Variants in HSPD1 observed in about 807,000 individuals in gnomAD.
The protein encoded by HSPD1 is 60 kDa heat shock protein, mitochondrial.
Under a neutral mutation model 53.0 loss-of-function variants are expected in HSPD1, and 3 were observed. That is an observed-to-expected ratio of 0.06 (90% confidence interval 0.03 to 0.15). HSPD1 has a LOEUF of 0.15. Among genes scored for constraint, HSPD1 ranks in the 10% least tolerant of loss-of-function variants. HSPD1 has a pLI of 1.00. For synonymous variants in HSPD1, 200 were observed against 228.0 expected (o/e 0.88, Z 1.10); for missense variants, 431 against 694.1 (o/e 0.62, Z 4.26).
intron 1 of HSPD1, chr2:197,499,080 C>A (rs985010854): frequency 1.7e-6 from 1 of 591,602 alleles, no homozygotes. Context: ...CAGCACAAAG[C>A]ACATGCGGCT....
intron 3 of HSPD1, among the ~76,000 whole-genome samples, chr2:197,496,470 C>T (rs911286390): frequency 1.3e-5 from 2 of 152,162 alleles, no homozygotes; most frequent in Non-Finnish European, 2.9e-5. Context: ...CCTTCACTTA[C>T]AAGAGGGTTC....
rs75268808 is a variant in HSPD1, at chr2:197,493,051, T to A, written c.869+273A>T. Among the ~76,000 whole-genome samples the A allele has an allele frequency of 7.6e-3, 1,140 of 150,786 alleles. 8 individuals carry two copies. Among genetic ancestry groups the A allele is most frequent in the Non-Finnish European group, 0.011 (762 of 67,774 alleles). ...TTCAGTCATGTGCCTTCAAAACAAC[T>A]GTAAACACTTGCAAAATACAGAAAG... is the stretch of plus-strand genomic sequence containing the variant. On this transcript the variant is annotated intron_variant, in intron 7 of 11. Transcript: ENST00000388968.
In HSPD1 at chr2:197,495,280, T is replaced by C. The variant is rs753371736; in HGVS notation, c.510+14A>G. On this transcript the variant is annotated intron_variant, in intron 4 of 11. Coordinates refer to ENST00000388968, the MANE Select transcript of HSPD1 (RefSeq NM_002156.5). The stretch of plus-strand genomic sequence containing the variant: ...AATTTTTTTTAAAAAACGTGTAACA[T>C]GTTAAGTCCTTACCTGTGCAATTTC... The C allele has an allele frequency of 3.9e-6, 6 of 1,531,716 alleles. No homozygotes were observed. Among genetic ancestry groups the C allele is most frequent in the African/African-American group, 2.7e-5 (2 of 73,252 alleles). 94.9% of individuals were successfully genotyped at this position (1,531,716 alleles called of 1,614,324 possible).
At chr2:197,497,101 T>G in intron 3 of HSPD1, 39 bp downstream of exon 3, 10 of 1,604,900 alleles carry the variant, frequency 6.2e-6, no homozygotes, top group Non-Finnish European at 8.5e-6. Flanking sequence ...TAAAGCACAC[T>G]GAAGTTTAGA....
intron 8 of HSPD1, 28 bp from the exon 9 acceptor site, chr2:197,489,275 T>C: frequency 6.2e-7 from 1 of 1,613,478 alleles, no homozygotes; most frequent in Non-Finnish European, 8.5e-7. Flanking sequence ...CGTAAACCTG[T>C]TGTAGGTTAC....
chr2:197,499,155 T>C (rs1284453493), intron 1 of HSPD1: 1 of 464,248 alleles, frequency 2.2e-6, no homozygotes, highest in Non-Finnish European at 4.0e-6. Context: ...GAAAACGGCC[T>C]TGTGGGCAGA....
chr2:197,488,156 C>G, intron 10 of HSPD1, 120 bp from the exon 11 acceptor site: 1 of 1,011,188 alleles, frequency 9.9e-7, no homozygotes, highest in Non-Finnish European at 1.5e-6. Context: ...AAATCATTTC[C>G]TCTGAAAAAG....
chr2:197,487,293 A>G, intron 11 of HSPD1, 95 bp from the exon 12 acceptor site: 1 of 1,118,046 alleles, frequency 8.9e-7, no homozygotes, highest in Non-Finnish European at 1.3e-6. Context: ...CACACCTGTA[A>G]TCCAGCACTT....
chr2:197,497,514 A>G (rs2086173629), intron 2 of HSPD1, 122 bp from the exon 3 acceptor site: 2 of 1,022,690 alleles, frequency 2.0e-6, no homozygotes, highest in South Asian at 2.7e-5. Context: ...TGTCATTTTT[A>G]TCAGTCTTGC....
chr2:197,498,942 G>T lies in HSPD1; in HGVS notation c.-2-92C>A, dbSNP rs146156185. ...ACCTGTGCAACAGAGCAAGCAACGT[G>T]AGATGCTGAGCCTGGCTGACCTCCG... On this transcript the variant is annotated intron_variant, in intron 1 of 11. Coordinates refer to ENST00000388968, the MANE Select transcript of HSPD1 (RefSeq NM_002156.5). 1,890 of 1,157,346 alleles carry T rather than the reference G, an allele frequency of 1.6e-3. 14 individuals are homozygous for T. Among genetic ancestry groups the T allele is most frequent in the African/African-American group, 0.016 (1,051 of 65,660 alleles). 71.7% of individuals were successfully genotyped at this position (1,157,346 alleles called of 1,614,324 possible). A position where few individuals can be genotyped will look rare whatever the true frequency, so the allele number is the denominator to read the frequency against.
rs750434057 is a variant in HSPD1 at position 197,489,069 on chromosome 2, C to T, written c.1148G>A (p.Ser383Asn). 3 of 1,613,692 alleles carry T rather than the reference C, an allele frequency of 1.9e-6. No individual in the cohort carries two copies. Among genetic ancestry groups the T allele is most frequent in the South Asian group, 2.2e-5 (2 of 91,066 alleles). ...ATTCAGTTTTTCCTTTTCATATTCA[C>T]TAGTTGTGACATCTAACTGCTCAAT... ...EIIEQLDVTT[S>N]EYEKEKLNER... Residue 383 changes from serine (S) to asparagine (N), a missense_variant, in exon 9 of 12, where the codon AGT becomes AAT. Physicochemically the swap from Ser to Asn is conservative, Grantham distance 46. Transcript: ENST00000388968.
rs779051377 is a variant in HSPD1, at chr2:197,497,131, C to T, written c.427+9G>A. Reference sequence around the variant, plus strand: ...TTTAGAACACTGTGGTGACAACAGACATTCCTACCTCTCCTGATTTCCACT... The same window carrying T: ...TTTAGAACACTGTGGTGACAACAGATATTCCTACCTCTCCTGATTTCCACT... On this transcript the variant is annotated intron_variant, in intron 3 of 11. Coordinates refer to ENST00000388968, the MANE Select transcript of HSPD1 (RefSeq NM_002156.5). 2.0e-5 allele frequency: 32 copies of T among 1,613,814 alleles called. No individual in the cohort carries two copies. The African/African-American group carries it at 2.5e-4, about 13-fold the overall frequency.
At chr2:197,495,989 T>C (rs2086152645) in intron 3 of HSPD1, among the ~76,000 whole-genome samples, 1 of 152,110 alleles carries the variant, frequency 6.6e-6, no homozygotes, top group Middle Eastern at 3.2e-3. Context: ...CTGTTTCCAA[T>C]AGGGTCCACG....
intron 11 of HSPD1, 68 bp from the exon 12 acceptor site, chr2:197,487,266 G>C: frequency 7.0e-7 from 1 of 1,423,316 alleles, no homozygotes; most frequent in Non-Finnish European, 9.8e-7. Flanking sequence ...GAAAATTTCT[G>C]TCTGGGCATG....
intron 4 of HSPD1, 58 bp downstream of exon 4, chr2:197,495,236 A>G: frequency 1.0e-6 from 1 of 969,232 alleles, no homozygotes; most frequent in Admixed American, 1.7e-5. Context: ...AGGGAAAAAA[A>G]AAATCACACA....
chr2:197,500,188 AAC>A (rs1441503505), upstream of HSPD1: 1 of 588,514 alleles, frequency 1.7e-6, no homozygotes, highest in African/African-American at 1.9e-5. Context: ...AAAGCCTAGA[AAC>A]AGCTCCTTTT....
intron 7 of HSPD1, among the ~76,000 whole-genome samples, chr2:197,492,092 G>A (rs1334106259): frequency 6.6e-6 from 1 of 152,250 alleles, no homozygotes; most frequent in Non-Finnish European, 1.5e-5. Flanking sequence ...AAGAGTTCAA[G>A]GCTGCAGTGA....
At chr2:197,487,577 A>G (rs1198474020) in intron 11 of HSPD1, among the ~76,000 whole-genome samples, 1 of 152,198 alleles carries the variant, frequency 6.6e-6, no homozygotes, top group Non-Finnish European at 1.5e-5. Context: ...AAGTATTCTT[A>G]CTGCCAGGCA....
At chr2:197,497,686 GAA>G (rs2086175837) in intron 2 of HSPD1, among the ~76,000 whole-genome samples, 1 of 152,170 alleles carries the variant, frequency 6.6e-6, no homozygotes, top group South Asian at 2.1e-4. Flanking sequence ...ACAAGACAAA[GAA>G]TAAAACAATC....
Sources: allele counts gnomAD v4.1 joint callset (sites outside exome capture counted in the v4.1 genomes callset), GRCh38; gene constraint gnomAD v4.1.1; transcripts MANE v1.5; gene names NCBI Gene and HGNC (gene_info 2026-07-23, HGNC 2026-07-21).